PPP1R2: variants seen among roughly 807,000 people sequenced by gnomAD.
PPP1R2 encodes protein phosphatase 1 regulatory inhibitor subunit 2.
Under a neutral mutation model 29.9 loss-of-function variants are expected in PPP1R2, and 16 were observed. The observed-to-expected ratio is 0.53, with a 90% CI of 0.36 to 0.81. PPP1R2 has a LOEUF of 0.81. Among genes scored for constraint, PPP1R2 ranks in the 30% least tolerant of loss-of-function variants. The pLI is 0.00. For missense variants in PPP1R2, 197 were observed against 252.7 expected (o/e 0.78, Z 1.49); for synonymous variants, 76 against 91.5 (o/e 0.83, Z 0.96).
chr3:195,533,347 GAA>G (rs199627497), intron 1 of PPP1R2, among the ~76,000 whole-genome samples: 21 of 118,490 alleles, frequency 1.8e-4, no homozygotes, highest in Admixed American at 2.6e-4. Flanking sequence ...TCTGCCTCAG[GAA>G]AAAAAAAAAA....
chr3:195,521,314 CAAA>C (rs869228346), intron 4 of PPP1R2, among the ~76,000 whole-genome samples: 3 of 56,672 alleles, frequency 5.3e-5, no homozygotes, highest in African/African-American at 1.4e-4. Flanking sequence ...GACTCTGTCT[CAAA>C]AAAAAAAAAA....
chr3:195,542,902 A>G lies in PPP1R2; in HGVS notation c.122+2T>C. On this transcript the variant is annotated splice_donor_variant, in intron 1 of 5. Coordinates refer to ENST00000618156, the MANE Select transcript of PPP1R2 (RefSeq NM_006241.8). LOFTEE classifies it high-confidence loss of function. Reference sequence around the variant, plus strand: ...TCCCAGGCCGTCCCTCCCAGCGCTCACCTCAGCTCCTCGTCGACATTCCCG... The same window carrying G: ...TCCCAGGCCGTCCCTCCCAGCGCTCGCCTCAGCTCCTCGTCGACATTCCCG... 6.3e-7 allele frequency: 1 copy of G among 1,598,328 alleles called. No individual in the cohort carries two copies. Among genetic ancestry groups the G allele is most frequent in the Non-Finnish European group, 8.5e-7 (1 of 1,172,770 alleles).
rs977136729 is a variant in PPP1R2, at chr3:195,542,800, G to A, written c.122+104C>T. On this transcript the variant is annotated intron_variant, in intron 1 of 5. Coordinates refer to ENST00000618156, the MANE Select transcript of PPP1R2 (RefSeq NM_006241.8). ...GCCGGGCAGGAGAAGAGACTCGAGC[G>A]GCACCCGAGCCGCATCCACGCCGCC... 5.8e-5 allele frequency: 79 copies of A among 1,353,454 alleles called. No homozygotes were observed. In the African/African-American group the frequency reaches 9.4e-4, roughly 16 times the overall value. The allele number at this position is 1,353,454 out of a possible 1,614,324, so 83.8% of individuals were successfully genotyped here. A position where few individuals can be genotyped will look rare whatever the true frequency, so the allele number is the denominator to read the frequency against.
intron 2 of PPP1R2, among the ~76,000 whole-genome samples, chr3:195,526,678 G>A (rs943328425): frequency 6.6e-6 from 1 of 152,022 alleles, no homozygotes; most frequent in Non-Finnish European, 1.5e-5. Context: ...GCAATGACGT[G>A]ATCATGGCTA....
At chr3:195,521,429 T>C (rs896226407) in intron 4 of PPP1R2, among the ~76,000 whole-genome samples, 2 of 152,020 alleles carry the variant, frequency 1.3e-5, no homozygotes, top group African/African-American at 4.8e-5. Flanking sequence ...TTAAAATCGT[T>C]ACAAGTTGTT....
intron 1 of PPP1R2, among the ~76,000 whole-genome samples, chr3:195,532,487 C>T (rs116715753): frequency 1.3e-3 from 192 of 152,088 alleles, no homozygotes; most frequent in Non-Finnish European, 2.2e-3. Flanking sequence ...TTAACAATAC[C>T]GATGTCTTCA....
chr3:195,515,051 A>G lies in PPP1R2; in HGVS notation c.*1845T>C. Reference sequence around the variant, plus strand: ...GTATGTGGGTACTTTCTAAGAACTCAGAAACAAGAAAACCAAAATCAGAGG... The same window carrying G: ...GTATGTGGGTACTTTCTAAGAACTCGGAAACAAGAAAACCAAAATCAGAGG... On this transcript the variant is annotated 3_prime_UTR_variant, in exon 6 of 6. Transcript: ENST00000618156. 3.5e-6 allele frequency: 1 copy of G among 287,078 alleles called. No homozygotes were observed. The allele number at this position is 287,078 out of a possible 1,614,324, so 17.8% of individuals were successfully genotyped here.
Position 195,523,784 on chromosome 3 carries a change from A to T in PPP1R2, c.311T>A (p.Leu104Ter). The T allele has an allele frequency of 6.2e-7, 1 of 1,613,126 alleles. No homozygotes were observed. Among genetic ancestry groups the T allele is most frequent in the Non-Finnish European group, 8.5e-7 (1 of 1,179,124 alleles). The change falls in exon 4 of 6, where the codon TTA (leucine) becomes TAA (stop). Residue 104 changes from leucine to a stop codon, truncating the protein, a stop_gained and splice_region_variant. Transcript: ENST00000618156. LOFTEE classifies it high-confidence loss of function. ...AMAPDILARKLAAAEGLEPKY... is the reference protein window; with the variant it reads ...AMAPDILARK Reference sequence around the variant, plus strand: ...TGGCTCCAAGCCTTCAGCTGCAGCTAATCTATGCAACAATCATGTACAAAG... The same window carrying T: ...TGGCTCCAAGCCTTCAGCTGCAGCTTATCTATGCAACAATCATGTACAAAG...
At chr3:195,539,432 T>C (rs1164281542) in intron 1 of PPP1R2, among the ~76,000 whole-genome samples, 1 of 152,110 alleles carries the variant, frequency 6.6e-6, no homozygotes, top group Non-Finnish European at 1.5e-5. Flanking sequence ...AAGACATAAG[T>C]ACTGGTGGGG....
intron 4 of PPP1R2, among the ~76,000 whole-genome samples, chr3:195,520,829 T>A (rs1364889334): frequency 2.0e-5 from 3 of 151,852 alleles, no homozygotes; most frequent in African/African-American, 7.3e-5. Flanking sequence ...TCCAAAGTAC[T>A]TTCTCTTTGT....
intron 5 of PPP1R2, 29 bp downstream of exon 5, chr3:195,518,989 G>T: frequency 6.2e-7 from 1 of 1,609,334 alleles, no homozygotes; most frequent in Non-Finnish European, 8.5e-7. Context: ...CATTACAAAA[G>T]TCTCAGTGAC....
chr3:195,540,225 C>T (rs1325798089), intron 1 of PPP1R2, among the ~76,000 whole-genome samples: 1 of 152,144 alleles, frequency 6.6e-6, no homozygotes, highest in Admixed American at 6.5e-5. Context: ...CGTTCACAGC[C>T]GAGGTAGCAT....
chr3:195,521,796 G>A (rs1044861296), intron 4 of PPP1R2, among the ~76,000 whole-genome samples: 2 of 151,902 alleles, frequency 1.3e-5, no homozygotes, highest in African/African-American at 4.8e-5. Context: ...GATTAGAGGC[G>A]CCCACCACCA....
intron 4 of PPP1R2, among the ~76,000 whole-genome samples, chr3:195,520,072 C>T (rs1718696069): frequency 6.6e-6 from 1 of 151,860 alleles, no homozygotes; most frequent in African/African-American, 2.4e-5. Context: ...GTGCAATGTG[C>T]AATCTTGGCT....
At chr3:195,536,175 G>T (rs1207520451) in intron 1 of PPP1R2, among the ~76,000 whole-genome samples, 1 of 151,988 alleles carries the variant, frequency 6.6e-6, no homozygotes, top group Non-Finnish European at 1.5e-5. Context: ...AAGTTTTGGG[G>T]GGCTGGGCAC....
intron 4 of PPP1R2, among the ~76,000 whole-genome samples, chr3:195,522,855 C>T (rs1718815423): frequency 6.6e-6 from 1 of 152,202 alleles, no homozygotes; most frequent in Admixed American, 6.5e-5. Flanking sequence ...CCCTACGCCA[C>T]AACACTTCAA....
At chr3:195,524,789 T>C in intron 3 of PPP1R2, 30 bp downstream of exon 3, 1 of 1,608,626 alleles carries the variant, frequency 6.2e-7, no homozygotes, top group Non-Finnish European at 8.5e-7. Context: ...ACAGCCTAAG[T>C]GAAAATGTGC....
intron 2 of PPP1R2, among the ~76,000 whole-genome samples, 192 bp from the exon 3 acceptor site, chr3:195,525,088 A>G (rs1279306607): frequency 1.3e-5 from 2 of 152,174 alleles, no homozygotes; most frequent in Non-Finnish European, 2.9e-5. Flanking sequence ...CCAATCAAGA[A>G]AAGACTCCAA....
intron 2 of PPP1R2, among the ~76,000 whole-genome samples, chr3:195,525,668 A>C (rs565959639): frequency 1.3e-5 from 2 of 152,306 alleles, no homozygotes; most frequent in African/African-American, 4.8e-5. Flanking sequence ...GGAAGTTTAC[A>C]AGTGATTTAG....
Sources: gnomAD v4.1 joint callset for allele counts (sites outside exome capture counted in the v4.1 genomes callset) on GRCh38, gnomAD v4.1.1 for gene constraint, MANE v1.5 for transcripts, NCBI Gene and HGNC (gene_info 2026-07-23, HGNC 2026-07-21) for gene names.